The following PEAK1 variants were observed in gnomAD, a reference collection of about 807,000 sequenced individuals.
The protein encoded by PEAK1 is inactive tyrosine-protein kinase PEAK1.
Under a neutral mutation model 124.7 loss-of-function variants are expected in PEAK1, and 54 were observed. That is an observed-to-expected ratio of 0.43 (90% CI 0.35 to 0.54). The LOEUF (loss-of-function observed/expected upper bound fraction) is 0.54, where lower values mean the gene tolerates loss of function less well. PEAK1 is among the 20% of genes least tolerant of loss of function. PEAK1 has a pLI of 0.01. For synonymous variants in PEAK1, 719 were observed against 760.0 expected (o/e 0.95, Z 0.89); for missense variants, 2,046 against 2,134.5 (o/e 0.96, Z 0.82).
upstream of PEAK1, chr15:77,420,591 T>A: frequency 3.0e-6 from 1 of 329,786 alleles, no homozygotes; most frequent in Non-Finnish European, 5.5e-6. Context: ...CATGACCAAT[T>A]TCAGTTCTTC....
intron 2 of PEAK1, among the ~76,000 whole-genome samples, chr15:77,315,479 A>G (rs544383007): frequency 6.6e-6 from 1 of 152,268 alleles, no homozygotes; most frequent in African/African-American, 2.4e-5. Context: ...AAATATTGGA[A>G]TATTTAAGTA....
In PEAK1 at chr15:77,371,425, T is replaced by G. The variant is rs994059222; in HGVS notation, c.-665-6200A>C. 16 of 979,192 alleles carry G rather than the reference T, an allele frequency of 1.6e-5. No homozygotes were observed. In the African/African-American group the frequency reaches 2.8e-4, roughly 17 times the overall value. 60.7% of individuals were successfully genotyped at this position (979,192 alleles called of 1,614,324 possible). ...GCCATCAAAAAACTTAAAACAATTA[T>G]TTCAAAACCATCTTTGAAGCAAATA... On this transcript the variant is annotated intron_variant, in intron 1 of 9. Transcript: ENST00000682557.
At chr15:77,143,280 G>A (rs1189657669) in intron 8 of PEAK1, among the ~76,000 whole-genome samples, 3 of 152,112 alleles carry the variant, frequency 2.0e-5, no homozygotes, top group African/African-American at 7.2e-5. Context: ...AAGCACCACG[G>A]AGAAGGTTAG....
At chr15:77,409,885 A>G (rs1321724501) in intron 1 of PEAK1, among the ~76,000 whole-genome samples, 1 of 152,224 alleles carries the variant, frequency 6.6e-6, no homozygotes, top group Non-Finnish European at 1.5e-5. Context: ...AAATGAGGAA[A>G]CTGAAGCACA....
intron 2 of PEAK1, among the ~76,000 whole-genome samples, chr15:77,318,071 A>T (rs748083760): frequency 3.6e-4 from 55 of 152,196 alleles, no homozygotes; most frequent in Non-Finnish European, 6.9e-4. Context: ...AAGGGGTAGC[A>T]TAAGGGAGAT....
intron 8 of PEAK1, among the ~76,000 whole-genome samples, chr15:77,149,425 G>A (rs781386730): frequency 5.4e-4 from 82 of 152,274 alleles, no homozygotes; most frequent in Non-Finnish European, 9.1e-4. Context: ...GCGTTAGGAG[G>A]TTTTGCTGTC....
rs2053658406 is a variant in PEAK1 at position 77,140,144 on chromosome 15, T to G, written c.3332-6394A>C. 5.3e-5 allele frequency among the ~76,000 whole-genome samples: 8 copies of G among 152,316 alleles called. 1 individual carries two copies. The South Asian group carries it at 1.7e-3, about 32-fold the overall frequency. ...AAAACCCAGGACCAGATGGCTTCAC[T>G]GATGAATTCTACCAAATGTTTAAAG... On this transcript the variant is annotated intron_variant, in intron 8 of 9. Transcript: ENST00000682557.
intron 5 of PEAK1, among the ~76,000 whole-genome samples, chr15:77,276,513 G>T (rs1244220130): frequency 5.3e-5 from 8 of 151,360 alleles, no homozygotes; most frequent in Admixed American, 5.3e-4. Flanking sequence ...CAGAAATGAA[G>T]AAAAAAATAA....
intron 8 of PEAK1, among the ~76,000 whole-genome samples, chr15:77,144,867 T>A (rs1032345884): frequency 1.3e-5 from 2 of 152,230 alleles, no homozygotes; most frequent in Admixed American, 6.5e-5. Flanking sequence ...AAGCTTGGTA[T>A]CTTAGCTGTT....
At chr15:77,414,207 C>CTTTT (rs71145827) in intron 1 of PEAK1, among the ~76,000 whole-genome samples, 16 of 67,916 alleles carry the variant, frequency 2.4e-4, no homozygotes, top group East Asian at 6.3e-4. Context: ...TTCTTTCCTT[C>CTTTT]TTTTTTTTTT....
chr15:77,404,556 T>A lies in PEAK1; in HGVS notation c.-666+15450A>T, dbSNP rs1224240997. On this transcript the variant is annotated intron_variant, in intron 1 of 9. Coordinates refer to ENST00000682557, the MANE Select transcript of PEAK1 (RefSeq NM_001385026.1). ...TTTCACCTGCTTTTTTGTACTTTTT[T>A]AAATGTGGCTACTAGAAAATTTGAA... 12 of 745,372 alleles carry A rather than the reference T, an allele frequency of 1.6e-5. No homozygotes were observed. The East Asian group carries it at 3.9e-4, about 24-fold the overall frequency. The allele number at this position is 745,372 out of a possible 1,614,324, so 46.2% of individuals were successfully genotyped here. A position where few individuals can be genotyped will look rare whatever the true frequency, so the allele number is the denominator to read the frequency against.
chr15:77,287,757 C>G (rs1434339502), intron 2 of PEAK1, among the ~76,000 whole-genome samples: 2 of 152,146 alleles, frequency 1.3e-5, no homozygotes, highest in Admixed American at 1.3e-4. Flanking sequence ...TAGGCAAAAA[C>G]TCAATATATC....
At chr15:77,418,327 TAAAG>T (rs1476983479) in intron 1 of PEAK1, 1 of 985,262 alleles carries the variant, frequency 1.0e-6, no homozygotes, top group Non-Finnish European at 1.2e-6. Context: ...TAAAAAGCCT[TAAAG>T]AAAATAATTT....
chr15:77,187,266 G>C (rs531483575), intron 6 of PEAK1, among the ~76,000 whole-genome samples: 2 of 152,280 alleles, frequency 1.3e-5, no homozygotes, highest in African/African-American at 4.8e-5. Context: ...AAGCCCTTCA[G>C]GCTATAGATT....
intron 2 of PEAK1, among the ~76,000 whole-genome samples, chr15:77,357,614 C>G (rs2067603754): frequency 6.6e-6 from 1 of 152,158 alleles, no homozygotes; most frequent in Non-Finnish European, 1.5e-5. Flanking sequence ...TAAATTCTCA[C>G]AGATCAAAAT....
Position 77,292,627 on chromosome 15 carries a change from T to G in PEAK1, c.-602-6123A>C, listed in dbSNP as rs373742427. On this transcript the variant is annotated intron_variant, in intron 2 of 9. Coordinates refer to ENST00000682557, the MANE Select transcript of PEAK1 (RefSeq NM_001385026.1). Reference sequence around the variant, plus strand: ...ACCTTGTCCAACTACAGCTGAGAATTTGCACATCAGGTGACTCAAATTTTT... The same window carrying G: ...ACCTTGTCCAACTACAGCTGAGAATGTGCACATCAGGTGACTCAAATTTTT... Among the ~76,000 whole-genome samples, 8 of 152,208 alleles carry G rather than the reference T, an allele frequency of 5.3e-5. No individual in the cohort carries two copies. In the East Asian group the frequency reaches 5.8e-4, roughly 11 times the overall value.
chr15:77,350,430 A>T, intron 2 of PEAK1: 1 of 985,420 alleles, frequency 1.0e-6, no homozygotes, highest in Non-Finnish European at 1.2e-6. Flanking sequence ...GCCTGAATGT[A>T]GCAAGCTTTC....
At chr15:77,202,768 C>CAA (rs776272925) in intron 6 of PEAK1, among the ~76,000 whole-genome samples, 1 of 136,184 alleles carries the variant, frequency 7.3e-6, no homozygotes, top group African/African-American at 2.7e-5. Flanking sequence ...GACTCCATCT[C>CAA]AAAAAAAAAA....
intron 1 of PEAK1, among the ~76,000 whole-genome samples, chr15:77,372,137 A>G (rs1268137696): frequency 1.3e-5 from 2 of 152,222 alleles, no homozygotes; most frequent in African/African-American, 4.8e-5. Context: ...GAGATATCCA[A>G]TAGATGTGTT....
Sources: gnomAD v4.1 joint callset for allele counts (sites outside exome capture counted in the v4.1 genomes callset) on GRCh38, gnomAD v4.1.1 for gene constraint, MANE v1.5 for transcripts, NCBI Gene and HGNC (gene_info 2026-07-23, HGNC 2026-07-21) for gene names.